The following PRSS3 variants were observed in gnomAD, a reference collection of about 807,000 sequenced individuals.
The protein encoded by PRSS3 is trypsin-3.
In PRSS3, 14 loss-of-function variants were observed where a neutral mutation model predicts 20.8. That is an observed-to-expected ratio of 0.67 (90% CI 0.44 to 1.05). PRSS3 has a LOEUF of 1.05. Ranked by LOEUF, PRSS3 falls within the 50% of genes least tolerant of loss-of-function variation. The pLI is 0.00. For missense variants in PRSS3, 237 were observed against 306.4 expected, an observed-to-expected ratio of 0.77 and a Z score of 1.69; for synonymous variants, 91 against 117.6, an observed-to-expected ratio of 0.77 and a Z score of 1.46.
At chr9:33,755,113 C>T (rs576642978) in intron 1 of PRSS3, among the ~76,000 whole-genome samples, 2 of 152,262 alleles carry the variant, frequency 1.3e-5, no homozygotes, top group South Asian at 2.1e-4. Flanking sequence ...ATCTCCATTC[C>T]GGACGGGCAC....
chr9:33,756,590 TA>T (rs918645246), intron 1 of PRSS3, among the ~76,000 whole-genome samples: 2 of 152,154 alleles, frequency 1.3e-5, no homozygotes, highest in Admixed American at 6.5e-5. Flanking sequence ...TTTTTTATTT[TA>T]AAAAAATCCC....
intron 1 of PRSS3, among the ~76,000 whole-genome samples, chr9:33,752,287 C>G (rs944990349): frequency 3.3e-5 from 5 of 152,170 alleles, no homozygotes; most frequent in South Asian, 2.1e-4. Flanking sequence ...TCATCTCCCC[C>G]CTACCTTCAG....
chr9:33,766,263 CAAAAAAAAAA>C (rs67834191), intron 1 of PRSS3, among the ~76,000 whole-genome samples: 94 of 72,794 alleles, frequency 1.3e-3, no homozygotes, highest in Middle Eastern at 9.1e-3. Flanking sequence ...GATTCCGTCT[CAAAAAAAAAA>C]AAAAAAAAAA....
chr9:33,778,118 A>G (rs990243721), intron 1 of PRSS3, among the ~76,000 whole-genome samples: 2 of 152,206 alleles, frequency 1.3e-5, no homozygotes, highest in Non-Finnish European at 2.9e-5. Context: ...ACCTACAGAT[A>G]GAAAAAATTT....
rs759857696 is a variant in PRSS3 at position 33,797,889 on chromosome 9, C to T, written c.261C>T (p.Phe87=). Residue 87 remains phenylalanine, a synonymous_variant, in exon 3 of 5, where the codon TTC becomes TTT. Transcript: ENST00000379405. ...AAGTCCTGGAGGGGAATGAGCAGTTCATCAATGCGGCCAAGATCATCCGCC... is the reference window on the plus strand; with the variant it reads ...AAGTCCTGGAGGGGAATGAGCAGTTTATCAATGCGGCCAAGATCATCCGCC... The part of the protein sequence containing the change: ...NIKVLEGNEQ[F]INAAKIIRHP... 1.9e-6 allele frequency: 3 copies of T among 1,614,244 alleles called. No individual in the cohort carries two copies. The highest frequency in any genetic ancestry group is 8.5e-7 in the Non-Finnish European group (1 of 1,180,046).
At chr9:33,786,589 C>A (rs767591093) in intron 1 of PRSS3, 22 of 766,388 alleles carry the variant, frequency 2.9e-5, no homozygotes, top group Non-Finnish European at 5.3e-5. Flanking sequence ...AACGTGGAAC[C>A]TCCATGATGA....
At chr9:33,785,993 G>A (rs1413614165) in intron 1 of PRSS3, 1 of 218,252 alleles carries the variant, frequency 4.6e-6, no homozygotes. Flanking sequence ...GGAGAACGGT[G>A]GTAAGTGGCC....
chr9:33,787,646 C>T (rs947655344), intron 1 of PRSS3, among the ~76,000 whole-genome samples: 1 of 152,140 alleles, frequency 6.6e-6, no homozygotes, highest in African/African-American at 2.4e-5. Flanking sequence ...ATAAAAGCTT[C>T]CTGCTGCTTG....
chr9:33,770,184 C>G (rs1477958992), intron 1 of PRSS3, among the ~76,000 whole-genome samples: 1 of 152,074 alleles, frequency 6.6e-6, no homozygotes, highest in East Asian at 1.9e-4. Flanking sequence ...TTTGCCCTAC[C>G]AGGTTCCAGG....
At chr9:33,782,305 A>G (rs1365829026) in intron 1 of PRSS3, among the ~76,000 whole-genome samples, 1 of 152,180 alleles carries the variant, frequency 6.6e-6, no homozygotes, top group Non-Finnish European at 1.5e-5. Context: ...TGCTTACACT[A>G]TTAAAGGAGG....
intron 1 of PRSS3, among the ~76,000 whole-genome samples, chr9:33,768,244 C>T (rs1369810541): frequency 1.3e-5 from 2 of 152,032 alleles, no homozygotes; most frequent in African/African-American, 4.8e-5. Context: ...CTTTGGGAGG[C>T]TGAGGCGGGT....
intron 1 of PRSS3, among the ~76,000 whole-genome samples, chr9:33,761,509 C>A (rs1823204445): frequency 6.6e-6 from 1 of 152,034 alleles, no homozygotes; most frequent in Non-Finnish European, 1.5e-5. Flanking sequence ...GAGTTCGAGA[C>A]CAGCCTGACC....
At chr9:33,799,003 A>G (rs2119151833) in intron 4 of PRSS3, 25 bp from the exon 5 acceptor site, 1 of 1,612,192 alleles carries the variant, frequency 6.2e-7, no homozygotes, top group East Asian at 2.2e-5. Flanking sequence ...CTCTCTTTAT[A>G]CAACTTGTCC....
At chr9:33,794,829 A>G, upstream of PRSS3, 1 of 1,550,814 alleles carries the variant, frequency 6.4e-7, no homozygotes, top group Non-Finnish European at 8.7e-7. Flanking sequence ...ACATTGAAGA[A>G]GGGGAGGAGT....
At chr9:33,754,133 A>G (rs554387327) in intron 1 of PRSS3, among the ~76,000 whole-genome samples, 1 of 151,214 alleles carries the variant, frequency 6.6e-6, no homozygotes, top group African/African-American at 2.4e-5. Context: ...ACTCAGTGGC[A>G]CAATCTCAGC....
upstream of PRSS3, among the ~76,000 whole-genome samples, chr9:33,792,448 T>C (rs1000339985): frequency 6.6e-6 from 1 of 152,274 alleles, no homozygotes; most frequent in African/African-American, 2.4e-5. Flanking sequence ...AAGGTTCTAG[T>C]ATGATCTTTG....
chr9:33,754,439 TG>T (rs1822848553), intron 1 of PRSS3, among the ~76,000 whole-genome samples: 1 of 152,134 alleles, frequency 6.6e-6, no homozygotes, highest in African/African-American at 2.4e-5. Context: ...ACTTCTTACA[TG>T]TCATTGGCCA....
At chr9:33,754,889 G>C (rs894689041) in intron 1 of PRSS3, among the ~76,000 whole-genome samples, 7 of 152,186 alleles carry the variant, frequency 4.6e-5, no homozygotes, top group Non-Finnish European at 8.8e-5. Flanking sequence ...GGGGGAGAAT[G>C]AACATTGGGT....
In PRSS3 at chr9:33,797,848, G is replaced by A. The variant is rs1307551223; in HGVS notation, c.220G>A (p.Gly74Arg). 1.2e-6 allele frequency: 2 copies of A among 1,614,248 alleles called. No homozygotes were observed. The highest frequency in any genetic ancestry group is 1.7e-6 in the Non-Finnish European group (2 of 1,180,044). Reference sequence around the variant, plus strand: ...CATCAGCCGCATCCAGGTGAGACTGGGAGAGCACAACATCAAAGTCCTGGA... The same window carrying A: ...CATCAGCCGCATCCAGGTGAGACTGAGAGAGCACAACATCAAAGTCCTGGA... ...CYKTRIQVRLGEHNIKVLEGN... is the reference protein window; with the variant it reads ...CYKTRIQVRLREHNIKVLEGN... The change falls in exon 3 of 5, where the codon GGA becomes AGA. Residue 74 changes from glycine (G) to arginine (R), a missense_variant. Gly to Arg is a moderately radical substitution (Grantham distance 125). Coordinates refer to ENST00000379405, the MANE Select transcript of PRSS3 (RefSeq NM_002771.4).
Sources: gnomAD v4.1 joint callset for allele counts (sites outside exome capture counted in the v4.1 genomes callset) on GRCh38, gnomAD v4.1.1 for gene constraint, MANE v1.5 for transcripts, NCBI Gene and HGNC (gene_info 2026-07-23, HGNC 2026-07-21) for gene names.